Variants in SHB observed in about 807,000 individuals in gnomAD.
The protein encoded by SHB is SH2 domain containing adaptor protein B.
In SHB, 20 loss-of-function variants were observed where a neutral mutation model predicts 52.3. The ratio of observed to expected loss-of-function variants is 0.38; its 90% CI spans 0.27 to 0.56. SHB has a LOEUF of 0.56. SHB is among the 20% of genes least tolerant of loss of function. SHB has a pLI of 0.71. For missense variants in SHB, 825 were observed against 723.3 expected, an observed-to-expected ratio of 1.14 and a Z score of -1.61; for synonymous variants, 397 against 316.5, an observed-to-expected ratio of 1.25 and a Z score of -2.70.
At chr9:38,066,899 A>G (rs1321596360) in intron 1 of SHB, among the ~76,000 whole-genome samples, 1 of 152,216 alleles carries the variant, frequency 6.6e-6, no homozygotes, top group Non-Finnish European at 1.5e-5. Flanking sequence ...CTTTGGGGGA[A>G]GAAGGTGGGG....
chr9:37,985,019 C>T (rs1359223071), intron 2 of SHB, among the ~76,000 whole-genome samples: 1 of 152,166 alleles, frequency 6.6e-6, no homozygotes, highest in Non-Finnish European at 1.5e-5. Context: ...GTCTAGTTTC[C>T]GGAGCTGTCT....
chr9:37,922,005 G>GACA (rs1324766307), intron 5 of SHB, among the ~76,000 whole-genome samples: 4 of 152,242 alleles, frequency 2.6e-5, no homozygotes, highest in Non-Finnish European at 5.9e-5. Context: ...AGGTGCCAGG[G>GACA]ACACTCAGCA....
At chr9:38,057,266 A>C (rs1768113747) in intron 1 of SHB, among the ~76,000 whole-genome samples, 1 of 152,248 alleles carries the variant, frequency 6.6e-6, no homozygotes, top group South Asian at 2.1e-4. Context: ...TACGTTTAAA[A>C]AAATATAGAC....
chr9:37,993,648 AT>A (rs1194629415), intron 2 of SHB, among the ~76,000 whole-genome samples: 1 of 152,158 alleles, frequency 6.6e-6, no homozygotes, highest in African/African-American at 2.4e-5. Flanking sequence ...TTAAACATAT[AT>A]TTGTTAATTT....
intron 1 of SHB, among the ~76,000 whole-genome samples, chr9:38,038,570 G>A (rs1367888446): frequency 1.3e-5 from 2 of 152,174 alleles, no homozygotes; most frequent in African/African-American, 4.8e-5. Flanking sequence ...TACAAATGAG[G>A]AAACTGGCTC....
In SHB at chr9:38,068,032, G is replaced by T; in HGVS notation, c.614C>A (p.Ala205Glu). The T allele has an allele frequency of 6.6e-7, 1 of 1,508,192 alleles. No homozygotes were observed. The highest frequency in any genetic ancestry group is 8.8e-7 in the Non-Finnish European group (1 of 1,136,376). 93.4% of individuals were successfully genotyped at this position (1,508,192 alleles called of 1,614,324 possible). A position where few individuals can be genotyped will look rare whatever the true frequency, so the allele number is the denominator to read the frequency against. Residue 205 changes from alanine (A) to glutamate (E), a missense_variant, in exon 1 of 6, where the codon GCG (alanine) becomes GAG (glutamate). Ala to Glu is a moderately radical substitution (Grantham distance 107). Coordinates refer to ENST00000377707, the MANE Select transcript of SHB (RefSeq NM_003028.3). ...GAGDPLGGACAGGRTWSPTAC... is the reference protein window; with the variant it reads ...GAGDPLGGACEGGRTWSPTAC... ...CGTCGGGCTCCAGGTGCGGCCGCCC[G>T]CGCAGGCGCCCCCCAGGGGGTCCCC...
chr9:38,065,993 A>G (rs929942023), intron 1 of SHB, among the ~76,000 whole-genome samples: 1 of 151,816 alleles, frequency 6.6e-6, no homozygotes, highest in African/African-American at 2.4e-5. Flanking sequence ...CCCTCCTGTA[A>G]CCCTGTAACA....
chr9:38,032,825 C>T (rs1042813362), intron 1 of SHB, among the ~76,000 whole-genome samples: 3 of 152,196 alleles, frequency 2.0e-5, no homozygotes, highest in African/African-American at 7.2e-5. Flanking sequence ...CATGGAGAGG[C>T]CCCGGACCCC....
At chr9:38,025,203 A>T (rs534797073) in intron 1 of SHB, among the ~76,000 whole-genome samples, 112 of 152,286 alleles carry the variant, frequency 7.4e-4, no homozygotes, top group African/African-American at 2.6e-3. Context: ...ATCGCTGTGG[A>T]CAGCTCTCTG....
At chr9:37,994,557 G>A (rs1490955103) in intron 2 of SHB, among the ~76,000 whole-genome samples, 4 of 152,246 alleles carry the variant, frequency 2.6e-5, no homozygotes, top group Admixed American at 1.3e-4. Context: ...ATTTGCCCCA[G>A]TAGAGACTTG....
Position 37,918,233 on chromosome 9 carries a change from G to A in SHB, c.*1588C>T, listed in dbSNP as rs544502781. ...TCTGGAACCCTTGTATCTCATTCAG[G>A]AGAGGGCAGCCACATCTTCATGCTA... On this transcript the variant is annotated 3_prime_UTR_variant, in exon 6 of 6. Coordinates refer to ENST00000377707, the MANE Select transcript of SHB (RefSeq NM_003028.3). 6.6e-6 allele frequency among the ~76,000 whole-genome samples: 1 copy of A among 152,370 alleles called. No individual in the cohort carries two copies. Among genetic ancestry groups the A allele is most frequent in the South Asian group, 2.1e-4 (1 of 4,828 alleles).
chr9:37,919,532 C>T lies in SHB; in HGVS notation c.*289G>A, dbSNP rs1408198347. 1 of 175,170 alleles carries T rather than the reference C, an allele frequency of 5.7e-6. No individual in the cohort carries two copies. The highest frequency in any genetic ancestry group is 1.2e-5 in the Non-Finnish European group (1 of 84,778). The allele number at this position is 175,170 out of a possible 1,614,324, so 10.9% of individuals were successfully genotyped here. A position where few individuals can be genotyped will look rare whatever the true frequency, so the allele number is the denominator to read the frequency against. ...CCCTCGGAGCTGGTCTGCCTTTGTTCATCCTGGAAGGCATCTCTTTGGATT... is the reference window on the plus strand; with the variant it reads ...CCCTCGGAGCTGGTCTGCCTTTGTTTATCCTGGAAGGCATCTCTTTGGATT... On this transcript the variant is annotated 3_prime_UTR_variant, in exon 6 of 6. Transcript: ENST00000377707.
At chr9:38,014,436 G>A (rs1461990236) in intron 2 of SHB, among the ~76,000 whole-genome samples, 1 of 152,274 alleles carries the variant, frequency 6.6e-6, no homozygotes, top group Admixed American at 6.5e-5. Flanking sequence ...CACTGGCTGT[G>A]GTTGTCGCAG....
At chr9:38,001,404 C>T (rs1321831146) in intron 2 of SHB, among the ~76,000 whole-genome samples, 6 of 152,226 alleles carry the variant, frequency 3.9e-5, no homozygotes, top group Non-Finnish European at 7.3e-5. Flanking sequence ...AATTACAGCT[C>T]CATGGCTAGT....
chr9:37,934,418 C>T (rs1832345877), intron 5 of SHB, among the ~76,000 whole-genome samples: 1 of 152,206 alleles, frequency 6.6e-6, no homozygotes, highest in Non-Finnish European at 1.5e-5. Flanking sequence ...CTGCCTCAGC[C>T]TCCTGAGTAG....
chr9:38,064,711 C>T (rs1821938943), intron 1 of SHB, among the ~76,000 whole-genome samples: 1 of 152,240 alleles, frequency 6.6e-6, no homozygotes, highest in Admixed American at 6.5e-5. Flanking sequence ...CTGCATCCTT[C>T]ACTACCTCCC....
intron 3 of SHB, among the ~76,000 whole-genome samples, chr9:37,969,647 C>A (rs1180194627): frequency 6.6e-6 from 1 of 152,216 alleles, no homozygotes; most frequent in Non-Finnish European, 1.5e-5. Flanking sequence ...TCTGCTTCTA[C>A]AGGCTATCCA....
intron 1 of SHB, among the ~76,000 whole-genome samples, chr9:38,031,660 A>G (rs1356083873): frequency 6.6e-6 from 1 of 152,196 alleles, no homozygotes; most frequent in African/African-American, 2.4e-5. Context: ...CTTTAAGGGG[A>G]CATCTGAGAC....
intron 1 of SHB, among the ~76,000 whole-genome samples, chr9:38,036,955 T>A (rs1055814422): frequency 8.5e-5 from 13 of 152,134 alleles, no homozygotes; most frequent in African/African-American, 3.1e-4. Flanking sequence ...CTCTTAATCT[T>A]ATGCTCAACA....
Sources: gnomAD v4.1 joint callset for allele counts (sites outside exome capture counted in the v4.1 genomes callset) on GRCh38, gnomAD v4.1.1 for gene constraint, MANE v1.5 for transcripts, NCBI Gene and HGNC (gene_info 2026-07-23, HGNC 2026-07-21) for gene names.